ZNF347: variants seen among roughly 807,000 people sequenced by gnomAD.
The protein encoded by ZNF347 is zinc finger protein 347.
In ZNF347, 19 loss-of-function variants were observed where a neutral mutation model predicts 12.9. That is an observed-to-expected ratio of 1.47 (90% confidence interval 1.03 to 2.16). The LOEUF (loss-of-function observed/expected upper bound fraction) is 2.16. Ranked by LOEUF, ZNF347 falls within the 30% of genes most tolerant of loss-of-function variation. The probability of loss-of-function intolerance (pLI) is 0.00; values close to 1 mark genes in which losing one functional copy is unlikely to be tolerated. For missense variants in ZNF347, 1,005 were observed against 990.6 expected, an observed-to-expected ratio of 1.01 and a Z score of -0.19; for synonymous variants, 328 against 340.6, an observed-to-expected ratio of 0.96 and a Z score of 0.41.
chr19:53,157,421 T>C (rs2090542836), intron 1 of ZNF347, among the ~76,000 whole-genome samples: 1 of 152,124 alleles, frequency 6.6e-6, no homozygotes, highest in Non-Finnish European at 1.5e-5. Flanking sequence ...TAGCTTATTT[T>C]TTATTTTCTG....
chr19:53,150,769 T>C (rs35400407), intron 2 of ZNF347, among the ~76,000 whole-genome samples: 15,236 of 152,152 alleles, frequency 0.1, 857 homozygotes, highest in Middle Eastern at 0.14. Flanking sequence ...TGAGACAGAG[T>C]CGCTCTATCA....
At chr19:53,142,684 T>A in intron 4 of ZNF347, 128 bp from the exon 5 acceptor site, 1 of 695,634 alleles carries the variant, frequency 1.4e-6, no homozygotes, top group Non-Finnish European at 2.2e-6. Context: ...TAAACAGATT[T>A]ATGAAACTTC....
rs1368014962 is a variant in ZNF347 at position 53,142,229 on chromosome 19, T to C, written c.599A>G (p.Tyr200Cys). ...SHLPELQLFQ[Y>C]EGKIYECNQV... ...ATTACATTCATAAATTTTCCCTTCATATTGAAAAAGCTGCAGTTCAGGCAG... is the reference window on the plus strand; with the variant it reads ...ATTACATTCATAAATTTTCCCTTCACATTGAAAAAGCTGCAGTTCAGGCAG... Residue 200 changes from tyrosine to cysteine, a missense_variant, in exon 5 of 5, where the codon TAT becomes TGT. By Grantham distance (194) the Tyr-to-Cys change is radical. Transcript: ENST00000334197. 2 of 1,612,976 alleles carry C rather than the reference T, an allele frequency of 1.2e-6. No homozygotes were observed. Among genetic ancestry groups the C allele is most frequent in the Non-Finnish European group, 1.7e-6 (2 of 1,179,726 alleles).
At chr19:53,145,512 C>T (rs539012001) in intron 4 of ZNF347, among the ~76,000 whole-genome samples, 3 of 151,480 alleles carry the variant, frequency 2.0e-5, no homozygotes, top group Admixed American at 2.0e-4. Flanking sequence ...CCCACCTCAG[C>T]CCCCCAAGTA....
At chr19:53,149,620 G>T in intron 2 of ZNF347, 1 of 574,280 alleles carries the variant, frequency 1.7e-6, no homozygotes, top group Non-Finnish European at 2.6e-6. Flanking sequence ...CAGAATGGCG[G>T]GGTGGTCACC....
At position 53,149,251 on chromosome 19, in the gene ZNF347, C is replaced by G. The variant is rs1200266155; in HGVS notation, c.132G>C (p.Leu44=). The G allele has an allele frequency of 1.2e-6, 2 of 1,612,910 alleles. No individual in the cohort carries two copies. The highest frequency in any genetic ancestry group is 1.7e-6 in the Non-Finnish European group (2 of 1,179,670). Residue 44 remains leucine, a synonymous_variant, in exon 3 of 5, where the codon CTG becomes CTC. Coordinates refer to ENST00000334197, the MANE Select transcript of ZNF347 (RefSeq NM_032584.3). ...RDVMLENYRN[L]ASLGISCFDL... ...GAAAGTCATCCTCACCCAGGGAGGCCAGGTTCCTATAATTCTCCAACATCA... is the reference window on the plus strand; with the variant it reads ...GAAAGTCATCCTCACCCAGGGAGGCGAGGTTCCTATAATTCTCCAACATCA...
chr19:53,156,642 C>CT (rs1239237859), intron 1 of ZNF347, among the ~76,000 whole-genome samples: 3 of 152,250 alleles, frequency 2.0e-5, no homozygotes, highest in South Asian at 2.1e-4. Context: ...AATGTGTAAA[C>CT]TAAGTGAAGT....
chr19:53,142,200 C>T lies in ZNF347; in HGVS notation c.628G>A (p.Val210Ile). Residue 210 changes from valine (V) to isoleucine (I), a missense_variant, in exon 5 of 5, where the codon GTT becomes ATT. Physicochemically the swap from Val to Ile is conservative, Grantham distance 29. Coordinates refer to ENST00000334197, the MANE Select transcript of ZNF347 (RefSeq NM_032584.3). ...GAATTATTGTTGAAAGACTTCTCAA[C>T]CTGATTACATTCATAAATTTTCCCT... is the stretch of plus-strand genomic sequence containing the variant. ...YEGKIYECNQ[V>I]EKSFNNNSSV... 1 of 1,613,930 alleles carries T rather than the reference C, an allele frequency of 6.2e-7. No individual in the cohort carries two copies. The highest frequency in any genetic ancestry group is 8.5e-7 in the Non-Finnish European group (1 of 1,179,964).
At chr19:53,149,559 G>T in intron 2 of ZNF347, 192 bp from the exon 3 acceptor site, 1 of 1,163,370 alleles carries the variant, frequency 8.6e-7, no homozygotes. Flanking sequence ...AGTGATAAGT[G>T]CCTTTGTAAG....
rs1294314434 is a variant in ZNF347 at position 53,136,068 on chromosome 19, C to T, written c.*4240G>A. The T allele has an allele frequency of 1.3e-5, 2 of 151,710 alleles. No individual in the cohort carries two copies. Among genetic ancestry groups the T allele is most frequent in the African/African-American group, 4.8e-5 (2 of 41,250 alleles). The allele number at this position is 151,710 out of a possible 1,614,324, so 9.4% of individuals were successfully genotyped here. On this transcript the variant is annotated 3_prime_UTR_variant, in exon 5 of 5. Transcript: ENST00000334197. ...AATGATAATTAATATCTTGGGGACT[C>T]TCTTATTAACTGTATTTTCATTTAC...
At chr19:53,150,695 T>C (rs2090491756) in intron 2 of ZNF347, among the ~76,000 whole-genome samples, 1 of 152,186 alleles carries the variant, frequency 6.6e-6, no homozygotes, top group African/African-American at 2.4e-5. Flanking sequence ...GACAGATGTT[T>C]CTGAGCACTT....
At chr19:53,143,628 TGTTG>T (rs1360030148) in intron 4 of ZNF347, among the ~76,000 whole-genome samples, 1 of 152,020 alleles carries the variant, frequency 6.6e-6, no homozygotes, top group African/African-American at 2.4e-5. Context: ...AGTCTATCAT[TGTTG>T]GACATTTGGG....
chr19:53,148,478 C>T (rs1273861382), intron 4 of ZNF347, among the ~76,000 whole-genome samples: 5 of 152,144 alleles, frequency 3.3e-5, no homozygotes, highest in African/African-American at 1.2e-4. Context: ...AAGACTTTGC[C>T]TTTGTCTGAG....
At chr19:53,157,938 TA>T (rs1207626129) in intron 1 of ZNF347, among the ~76,000 whole-genome samples, 1 of 152,290 alleles carries the variant, frequency 6.6e-6, no homozygotes, top group East Asian at 1.9e-4. Flanking sequence ...CTCCTTCTCT[TA>T]CCATCTGCAA....
chr19:53,155,553 T>G (rs2146816375), intron 1 of ZNF347, among the ~76,000 whole-genome samples: 1 of 152,212 alleles, frequency 6.6e-6, no homozygotes, highest in East Asian at 1.9e-4. Flanking sequence ...CAGGCTGGTC[T>G]CGAACTCCTG....
Position 53,141,578 on chromosome 19 carries a change from G to GT in ZNF347, c.1249dup (p.Thr417AsnfsTer16), listed in dbSNP as rs1222837097. The GT allele has an allele frequency of 1.9e-6, 3 of 1,613,862 alleles. No individual in the cohort carries two copies. The highest frequency in any genetic ancestry group is 2.2e-5 in the East Asian group (1 of 44,868). ...TCCAGTGTGAATTCTCCAGTGATTTGTAAGGTGTGAATTTTGAGTGAAGAC... is the reference window on the plus strand; with the variant it reads ...TCCAGTGTGAATTCTCCAGTGATTTGTTAAGGTGTGAATTTTGAGTGAAGAC... On this transcript the variant is annotated frameshift_variant, in exon 5 of 5. Transcript: ENST00000334197. LOFTEE classifies it low-confidence loss of function (END_TRUNC).
chr19:53,147,112 C>T (rs185427697), intron 4 of ZNF347, among the ~76,000 whole-genome samples: 8 of 152,216 alleles, frequency 5.3e-5, no homozygotes, highest in East Asian at 1.9e-4. Context: ...CGGTGGCTCA[C>T]GCCTGTAATC....
intron 1 of ZNF347, 95 bp from the exon 2 acceptor site, chr19:53,153,888 C>T: frequency 2.4e-6 from 2 of 849,096 alleles, no homozygotes; most frequent in Non-Finnish European, 3.8e-6. Flanking sequence ...TCCTATGCCA[C>T]AATCACACAC....
At position 53,139,022 on chromosome 19, in the gene ZNF347, C is replaced by A. The variant is rs1423433134; in HGVS notation, c.*1286G>T. On this transcript the variant is annotated 3_prime_UTR_variant, in exon 5 of 5. Coordinates refer to ENST00000334197, the MANE Select transcript of ZNF347 (RefSeq NM_032584.3). ...AAAAATAAGCCTATTTTTCATCAATCTCTGCTATAAAACAGCTATTGCCAT... is the reference window on the plus strand; with the variant it reads ...AAAAATAAGCCTATTTTTCATCAATATCTGCTATAAAACAGCTATTGCCAT... The A allele has an allele frequency of 6.6e-6, 1 of 152,162 alleles. No homozygotes were observed. Among genetic ancestry groups the A allele is most frequent in the Non-Finnish European group, 1.5e-5 (1 of 68,014 alleles). The allele number at this position is 152,162 out of a possible 1,614,324, so 9.4% of individuals were successfully genotyped here. A position where few individuals can be genotyped will look rare whatever the true frequency, so the allele number is the denominator to read the frequency against.
Sources: allele counts gnomAD v4.1 joint callset (sites outside exome capture counted in the v4.1 genomes callset), GRCh38; gene constraint gnomAD v4.1.1; transcripts MANE v1.5; gene names NCBI Gene and HGNC (gene_info 2026-07-23, HGNC 2026-07-21).